ENDOV: variants seen among roughly 807,000 people sequenced by gnomAD.
ENDOV encodes the protein endonuclease V.
In ENDOV, 37 loss-of-function variants were observed where a neutral mutation model predicts 39.4. The ratio of observed to expected loss-of-function variants is 0.94; its 90% CI spans 0.72 to 1.23. ENDOV has a LOEUF of 1.23. Ranked by LOEUF, ENDOV falls within the 50% of genes most tolerant of loss-of-function variation. ENDOV has a pLI of 0.00. For missense variants in ENDOV, 441 were observed against 375.7 expected, an observed-to-expected ratio of 1.17 and a Z score of -1.44; for synonymous variants, 186 against 163.4, an observed-to-expected ratio of 1.14 and a Z score of -1.05.
intron 7 of ENDOV, among the ~76,000 whole-genome samples, chr17:80,425,956 G>C (rs2082642813): frequency 6.6e-6 from 1 of 152,220 alleles, no homozygotes; most frequent in African/African-American, 2.4e-5. Context: ...TGTCCTGCCA[G>C]TTCCCAGCCA....
At chr17:80,415,453 AGTTT>A in intron 1 of ENDOV, 193 bp from the exon 2 acceptor site, 2 of 985,360 alleles carry the variant, frequency 2.0e-6, no homozygotes, top group Non-Finnish European at 2.9e-6. Flanking sequence ...GCTTCCGGCC[AGTTT>A]GTCTGGCCTG....
In ENDOV at chr17:80,436,378, T is replaced by A; in HGVS notation, c.*235T>A. 6.9e-7 allele frequency: 1 copy of A among 1,459,236 alleles called. No homozygotes were observed. The highest frequency in any genetic ancestry group is 9.1e-7 in the Non-Finnish European group (1 of 1,098,832). The allele number at this position is 1,459,236 out of a possible 1,614,324, so 90.4% of individuals were successfully genotyped here. ...GATCTTAAGGGAACGTTTGCAGTCT[T>A]TCACCACTAGATGTGATGTGAGCTG... is the stretch of plus-strand genomic sequence containing the variant. On this transcript the variant is annotated 3_prime_UTR_variant, in exon 10 of 10. Transcript: ENST00000518137.
chr17:80,430,902 G>A (rs555529389), intron 9 of ENDOV, among the ~76,000 whole-genome samples: 20 of 152,274 alleles, frequency 1.3e-4, no homozygotes, highest in African/African-American at 4.8e-4. Context: ...CTTGGTGTGG[G>A]CTAGAGGCGC....
chr17:80,423,201 G>A (rs41298728), intron 4 of ENDOV, among the ~76,000 whole-genome samples: 1 of 152,320 alleles, frequency 6.6e-6, no homozygotes, highest in East Asian at 1.9e-4. Flanking sequence ...GCAGGCCACC[G>A]TCGAGGGAAG....
intron 7 of ENDOV, among the ~76,000 whole-genome samples, chr17:80,426,790 CTG>C (rs1338766302): frequency 6.6e-6 from 1 of 152,262 alleles, no homozygotes; most frequent in Non-Finnish European, 1.5e-5. Flanking sequence ...ACTTGGATGG[CTG>C]TGAGTTGGCA....
intron 1 of ENDOV, 41 bp downstream of exon 1, chr17:80,415,291 C>A: frequency 6.2e-7 from 1 of 1,606,920 alleles, no homozygotes; most frequent in Non-Finnish European, 8.5e-7. Context: ...GGGGCCGAGG[C>A]CGGGCGGCCC....
At chr17:80,435,772 G>A (rs1241633408) in intron 9 of ENDOV, among the ~76,000 whole-genome samples, 1 of 149,296 alleles carries the variant, frequency 6.7e-6, no homozygotes, top group African/African-American at 2.4e-5. Flanking sequence ...CCGCCACCAC[G>A]CCCAGCTAAT....
intron 3 of ENDOV, 109 bp from the exon 4 acceptor site, chr17:80,422,097 T>C: frequency 6.4e-7 from 1 of 1,570,042 alleles, no homozygotes. Context: ...TGAGGATTTC[T>C]AAAAAGCTGG....
chr17:80,427,886 T>G (rs1206028365), intron 7 of ENDOV: 1 of 1,233,020 alleles, frequency 8.1e-7, no homozygotes, highest in East Asian at 5.8e-5. Context: ...GCTGCCCCAC[T>G]TCCCCCATGA....
In ENDOV at chr17:80,415,672, C is replaced by A; in HGVS notation, c.79C>A (p.His27Asn). 1 of 1,612,646 alleles carries A rather than the reference C, an allele frequency of 6.2e-7. No individual in the cohort carries two copies. The highest frequency in any genetic ancestry group is 8.5e-7 in the Non-Finnish European group (1 of 1,179,408). Residue 27 changes from histidine to asparagine, a missense_variant, in exon 2 of 10, where the codon CAC becomes AAC. Physicochemically the swap from His to Asn is moderately conservative, Grantham distance 68. Coordinates refer to ENST00000518137, the MANE Select transcript of ENDOV (RefSeq NM_173627.5). ...TAGGGAGCAAGCTCGGCTGAAGGCCCACGTCGTAGACCGGGACACCGAGGC... is the reference window on the plus strand; with the variant it reads ...TAGGGAGCAAGCTCGGCTGAAGGCCAACGTCGTAGACCGGGACACCGAGGC... Reference protein sequence around the residue: ...WKREQARLKAHVVDRDTEAWQ... With the variant: ...WKREQARLKANVVDRDTEAWQ...
In ENDOV at chr17:80,435,988, C is replaced by T. The variant is rs144728171; in HGVS notation, c.839-145C>T. On this transcript the variant is annotated intron_variant, in intron 9 of 9. Transcript: ENST00000518137. ...CAGGCTGGTCTCCAACTCCTGGGCT[C>T]AAGCTTTCCTCCCACCTCGGCCTCC... 86 of 882,056 alleles carry T rather than the reference C, an allele frequency of 9.7e-5. No individual in the cohort carries two copies. In the Middle Eastern group the frequency reaches 2.8e-3, roughly 29 times the overall value. 54.6% of individuals were successfully genotyped at this position (882,056 alleles called of 1,614,324 possible).
At chr17:80,422,010 G>A (rs755789163) in intron 3 of ENDOV, 48 bp downstream of exon 3, 52 of 1,596,546 alleles carry the variant, frequency 3.3e-5, no homozygotes, top group South Asian at 9.0e-5. Flanking sequence ...CCTTCCCCCT[G>A]GGGGAGGGAA....
rs375976286 is a variant in ENDOV at position 80,415,600 on chromosome 17, C to G, written c.57-50C>G. 226 of 1,584,016 alleles carry G rather than the reference C, an allele frequency of 1.4e-4. 1 individual carries two copies. The highest frequency in any genetic ancestry group is 1.8e-4 in the Non-Finnish European group (215 of 1,164,010). On this transcript the variant is annotated intron_variant, in intron 1 of 9. Coordinates refer to ENST00000518137, the MANE Select transcript of ENDOV (RefSeq NM_173627.5). ...GCTGCAGCCGCGCGGGTGGAGGAGG[C>G]AGAGTCTGAGGTGTGACCCCGACCA...
chr17:80,435,684 G>A lies in ENDOV; in HGVS notation c.839-449G>A, dbSNP rs1042393841. ...GGCTGGTGTGCGGTGGCGTGATCTC[G>A]GCTCACTGCAAGCTCCGCCTCCCGG... On this transcript the variant is annotated intron_variant, in intron 9 of 9. Transcript: ENST00000518137. Among the ~76,000 whole-genome samples the A allele has an allele frequency of 5.9e-5, 9 of 152,020 alleles. No homozygotes were observed. The South Asian group carries it at 1.7e-3, about 28-fold the overall frequency.
At chr17:80,423,434 G>A (rs2082308147) in intron 4 of ENDOV, 86 bp from the exon 5 acceptor site, 3 of 1,320,958 alleles carry the variant, frequency 2.3e-6, no homozygotes, top group Non-Finnish European at 2.1e-6. Context: ...ACTTAGGGAA[G>A]CTTTTGGTAA....
chr17:80,423,297 CAGAG>C (rs1168181210), intron 4 of ENDOV, among the ~76,000 whole-genome samples: 3 of 152,376 alleles, frequency 2.0e-5, no homozygotes, highest in Admixed American at 1.3e-4. Flanking sequence ...CTGACCGTGT[CAGAG>C]AGAAGGAGGC....
chr17:80,430,508 C>T (rs938385508), intron 9 of ENDOV: 1 of 637,214 alleles, frequency 1.6e-6, no homozygotes. Flanking sequence ...CGGGAGGGGT[C>T]CTAGCTGGGG....
At chr17:80,430,089 G>A (rs1282596437) in intron 9 of ENDOV, 1 of 1,535,380 alleles carries the variant, frequency 6.5e-7, no homozygotes, top group Non-Finnish European at 8.7e-7. Context: ...ACCCCAGGGG[G>A]ACGCCGCAGC....
At chr17:80,425,659 C>T in intron 7 of ENDOV, 39 bp downstream of exon 7, 4 of 1,543,788 alleles carry the variant, frequency 2.6e-6, no homozygotes, top group African/African-American at 1.4e-5. Context: ...GCACAGGCTC[C>T]TCTGCTTCCT....
Sources: gnomAD v4.1 joint callset for allele counts (sites outside exome capture counted in the v4.1 genomes callset) on GRCh38, gnomAD v4.1.1 for gene constraint, MANE v1.5 for transcripts, NCBI Gene and HGNC (gene_info 2026-07-23, HGNC 2026-07-21) for gene names.